Variants in PLAC8L1 observed in about 807,000 individuals in gnomAD.
PLAC8L1 encodes the protein PLAC8 like 1.
A neutral mutation model predicts 16.3 loss-of-function variants in PLAC8L1; 13 were observed. That is an observed-to-expected ratio of 0.80 (90% CI 0.52 to 1.27). The LOEUF (loss-of-function observed/expected upper bound fraction) is 1.27. Among genes scored for constraint, PLAC8L1 ranks in the 50% most tolerant of loss-of-function variants. The pLI is 0.00. For missense variants in PLAC8L1, 184 were observed against 220.2 expected (o/e 0.84, Z 1.04); for synonymous variants, 78 against 79.3 (o/e 0.98, Z 0.09).
intron 1 of PLAC8L1, 115 bp from the exon 2 acceptor site, chr5:146,098,407 C>G: frequency 9.8e-7 from 1 of 1,018,120 alleles, no homozygotes; most frequent in Non-Finnish European, 1.4e-6. Context: ...CCAAGGGGCT[C>G]ATAGCCCAAA....
At chr5:146,085,640 T>C in intron 2 of PLAC8L1, 43 bp from the exon 3 acceptor site, 1 of 1,579,004 alleles carries the variant, frequency 6.3e-7, no homozygotes. Context: ...CTCAGATTTC[T>C]TGGAGCAACT....
intron 3 of PLAC8L1, among the ~76,000 whole-genome samples, chr5:146,085,192 C>A (rs957918711): frequency 6.6e-6 from 1 of 151,992 alleles, no homozygotes; most frequent in Non-Finnish European, 1.5e-5. Context: ...CCAAGGTGGG[C>A]GGATCACTTG....
At chr5:146,103,805 C>A in intron 1 of PLAC8L1, 1 of 985,416 alleles carries the variant, frequency 1.0e-6, no homozygotes, top group Non-Finnish European at 1.2e-6. Flanking sequence ...CGTAATCACA[C>A]TTGGAGTATT....
intron 2 of PLAC8L1, among the ~76,000 whole-genome samples, chr5:146,093,918 T>G (rs2150035750): frequency 6.6e-6 from 1 of 152,316 alleles, no homozygotes; most frequent in East Asian, 1.9e-4. Context: ...GCTGACTCTT[T>G]CCTATCTTTC....
chr5:146,085,099 A>G, intron 3 of PLAC8L1, among the ~76,000 whole-genome samples: 1 of 135,362 alleles, frequency 7.4e-6, no homozygotes, highest in Non-Finnish European at 1.7e-5. Flanking sequence ...TCTGTGCCTT[A>G]CTTTTTTTTT....
chr5:146,098,406 T>A, intron 1 of PLAC8L1, 114 bp from the exon 2 acceptor site: 1 of 1,024,290 alleles, frequency 9.8e-7, no homozygotes, highest in Non-Finnish European at 1.4e-6. Flanking sequence ...GCCAAGGGGC[T>A]CATAGCCCAA....
At chr5:146,104,010 C>G (rs1763867335) in intron 1 of PLAC8L1, 183 bp downstream of exon 1, 2 of 985,238 alleles carry the variant, frequency 2.0e-6, no homozygotes, top group Non-Finnish European at 2.4e-6. Flanking sequence ...TTCTTGTCAC[C>G]AGCCAAGAAA....
chr5:146,084,383 G>A lies in PLAC8L1; in HGVS notation c.*49C>T, dbSNP rs557694173. 1 of 1,590,138 alleles carries A rather than the reference G, an allele frequency of 6.3e-7. No homozygotes were observed. Among genetic ancestry groups the A allele is most frequent in the Non-Finnish European group, 8.6e-7 (1 of 1,165,264 alleles). On this transcript the variant is annotated 3_prime_UTR_variant, in exon 4 of 4. Coordinates refer to ENST00000311450, the MANE Select transcript of PLAC8L1 (RefSeq NM_001029869.3). ...GGAAAAAGCAATTGTTCCACTGAGAGGTTTGAGAGGAGGGTGTTGGGGAGT... is the reference window on the plus strand; with the variant it reads ...GGAAAAAGCAATTGTTCCACTGAGAAGTTTGAGAGGAGGGTGTTGGGGAGT...
rs142410419 is a variant in PLAC8L1 at position 146,091,905 on chromosome 5, T to A, written c.256+6251A>T. Among the ~76,000 whole-genome samples, 40 of 152,208 alleles carry A rather than the reference T, an allele frequency of 2.6e-4. 4 individuals are homozygous for A. In the East Asian group the frequency reaches 7.7e-3, roughly 29 times the overall value. On this transcript the variant is annotated intron_variant, in intron 2 of 3. Transcript: ENST00000311450. Reference sequence around the variant, plus strand: ...TTGTTACTAGTGAAAAAAAATTTTGTCTTTTTTTTTTAAGAAGCTCAGGTT... The same window carrying A: ...TTGTTACTAGTGAAAAAAAATTTTGACTTTTTTTTTTAAGAAGCTCAGGTT...
intron 1 of PLAC8L1, among the ~76,000 whole-genome samples, chr5:146,103,232 T>A (rs1415451708): frequency 6.6e-6 from 1 of 152,164 alleles, no homozygotes; most frequent in Non-Finnish European, 1.5e-5. Context: ...TGATCTTGGT[T>A]CACTGCAATC....
chr5:146,084,776 C>T (rs1335970416), intron 3 of PLAC8L1, among the ~76,000 whole-genome samples: 1 of 152,210 alleles, frequency 6.6e-6, no homozygotes, highest in Non-Finnish European at 1.5e-5. Flanking sequence ...AGAGCGCTGC[C>T]CTTAGGACCT....
At chr5:146,084,888 G>A (rs1016622284) in intron 3 of PLAC8L1, among the ~76,000 whole-genome samples, 1 of 152,132 alleles carries the variant, frequency 6.6e-6, no homozygotes, top group Non-Finnish European at 1.5e-5. Context: ...TTTGGAGTAG[G>A]TAATAAGTGA....
chr5:146,093,753 A>T (rs1763663621), intron 2 of PLAC8L1, among the ~76,000 whole-genome samples: 2 of 152,130 alleles, frequency 1.3e-5, no homozygotes, highest in African/African-American at 4.8e-5. Flanking sequence ...TCCCAGTCCA[A>T]TGCCTTCTCA....
intron 1 of PLAC8L1, chr5:146,103,710 C>T: frequency 1.0e-6 from 1 of 985,320 alleles, no homozygotes; most frequent in Non-Finnish European, 1.2e-6. Flanking sequence ...GACCTCACTC[C>T]ATTCCTCTTC....
Position 146,097,604 on chromosome 5 carries a change from T to C in PLAC8L1, c.256+552A>G, listed in dbSNP as rs182608565. Among the ~76,000 whole-genome samples, 237 of 152,350 alleles carry C rather than the reference T, an allele frequency of 1.6e-3. 2 individuals carry two copies. Among genetic ancestry groups the C allele is most frequent in the African/African-American group, 5.4e-3 (225 of 41,576 alleles). On this transcript the variant is annotated intron_variant, in intron 2 of 3. Coordinates refer to ENST00000311450, the MANE Select transcript of PLAC8L1 (RefSeq NM_001029869.3). ...AAAATGTATCCAAATCATCTTTTCA[T>C]CTCATTAAATATTATTCTACAATAT...
At chr5:146,099,790 G>C (rs1763783242) in intron 1 of PLAC8L1, among the ~76,000 whole-genome samples, 2 of 152,064 alleles carry the variant, frequency 1.3e-5, no homozygotes. Flanking sequence ...GGGCATCTTG[G>C]AAACAGCTGT....
In PLAC8L1 at chr5:146,098,264, T is replaced by G; in HGVS notation, c.148A>C (p.Lys50Gln). 6.2e-7 allele frequency: 1 copy of G among 1,614,146 alleles called. No homozygotes were observed. The highest frequency in any genetic ancestry group is 8.5e-7 in the Non-Finnish European group (1 of 1,180,010). Residue 50 changes from lysine to glutamine, a missense_variant, in exon 2 of 4, where the codon AAG (lysine) becomes CAG (glutamine). Transcript: ENST00000311450. ...CCACTGGCTCCCCGAACAGGCTGCT[T>G]CACCACAGCGCTGGCTGGTACATGG... ...RGHVPASAVV[K>Q]QPVRGASGRT... is the part of the protein sequence containing the mutation.
intron 2 of PLAC8L1, among the ~76,000 whole-genome samples, chr5:146,085,891 A>AT (rs1021039691): frequency 7.0e-4 from 107 of 152,226 alleles, no homozygotes; most frequent in African/African-American, 2.5e-3. Flanking sequence ...GCATCAAATA[A>AT]TTTTTTTACA....
chr5:146,090,882 G>A (rs185382527), intron 2 of PLAC8L1, among the ~76,000 whole-genome samples: 42 of 151,974 alleles, frequency 2.8e-4, no homozygotes, highest in Admixed American at 7.9e-4. Flanking sequence ...GTGAAATCCC[G>A]TCTCTGCTAA....
Sources: gnomAD v4.1 joint callset for allele counts (sites outside exome capture counted in the v4.1 genomes callset) on GRCh38, gnomAD v4.1.1 for gene constraint, MANE v1.5 for transcripts, NCBI Gene and HGNC (gene_info 2026-07-23, HGNC 2026-07-21) for gene names.